Variants in NMT1 observed in about 807,000 individuals in gnomAD.
NMT1 encodes N-myristoyltransferase 1.
A neutral mutation model predicts 63.4 loss-of-function variants in NMT1; 12 were observed. The observed-to-expected ratio is 0.19, with a 90% CI of 0.12 to 0.31. The LOEUF (loss-of-function observed/expected upper bound fraction) is 0.31, where lower values mean the gene tolerates loss of function less well. Ranked by LOEUF, NMT1 falls within the 10% of genes least tolerant of loss-of-function variation. The pLI, the probability that NMT1 is intolerant of heterozygous loss-of-function variation, is 1.00. For missense variants in NMT1, 432 were observed against 634.6 expected (o/e 0.68, Z 3.43); for synonymous variants, 228 against 234.3 (o/e 0.97, Z 0.25).
At chr17:45,093,641 C>G in intron 3 of NMT1, 44 bp from the exon 4 acceptor site, 2 of 1,568,968 alleles carry the variant, frequency 1.3e-6, no homozygotes, top group Non-Finnish European at 1.8e-6. Context: ...TTTACTGCCC[C>G]GAGGGGGCAA....
At chr17:45,096,509 G>C (rs747268030) in intron 5 of NMT1, among the ~76,000 whole-genome samples, 1 of 152,240 alleles carries the variant, frequency 6.6e-6, no homozygotes, top group Non-Finnish European at 1.5e-5. Flanking sequence ...CGTAGAGCTA[G>C]TACCCAGGGA....
intron 1 of NMT1, among the ~76,000 whole-genome samples, chr17:45,066,132 C>T (rs2053901278): frequency 6.6e-6 from 1 of 152,110 alleles, no homozygotes; most frequent in Non-Finnish European, 1.5e-5. Context: ...TGGCTCACTG[C>T]AACCTCTGCC....
intron 1 of NMT1, among the ~76,000 whole-genome samples, chr17:45,075,779 A>C (rs188580094): frequency 6.6e-6 from 1 of 152,146 alleles, no homozygotes; most frequent in East Asian, 1.9e-4. Flanking sequence ...AAAACAAAAC[A>C]AAAAAAGAGG....
rs569270064 is a variant in NMT1 at position 45,105,447 on chromosome 17, G to T, written c.1471-172G>T. On this transcript the variant is annotated intron_variant, in intron 11 of 11. Transcript: ENST00000258960. This position sits in a 1 kb window ranked among gnomAD's most constrained non-coding sequence, Gnocchi z 4.2. ...GTTTTCCCTGGGAGGTCTGATGGACGTGTGAACCCTGGTGTGGAGGTTGAG... is the reference window on the plus strand; with the variant it reads ...GTTTTCCCTGGGAGGTCTGATGGACTTGTGAACCCTGGTGTGGAGGTTGAG... Among the ~76,000 whole-genome samples, 1 of 152,152 alleles carries T rather than the reference G, an allele frequency of 6.6e-6. No homozygotes were observed. Among genetic ancestry groups the T allele is most frequent in the Non-Finnish European group, 1.5e-5 (1 of 68,040 alleles).
Position 45,104,084 on chromosome 17 carries a change from T to G in NMT1, c.1332+208T>G. The G allele has an allele frequency of 6.8e-7, 1 of 1,475,170 alleles. No homozygotes were observed. Among genetic ancestry groups the G allele is most frequent in the Non-Finnish European group, 9.0e-7 (1 of 1,114,004 alleles). 91.4% of individuals were successfully genotyped at this position (1,475,170 alleles called of 1,614,324 possible). On this transcript the variant is annotated intron_variant, in intron 10 of 11. Transcript: ENST00000258960. The surrounding 1 kb of genome is among the most constrained non-coding windows in gnomAD (Gnocchi z 4.2). ...AGCATCCGAAGTGAAGGCATTGAAC[T>G]CCTCCTGATTCATTTCAGTGAGTTT...
At chr17:45,066,314 G>A (rs935562898) in intron 1 of NMT1, among the ~76,000 whole-genome samples, 7 of 151,784 alleles carry the variant, frequency 4.6e-5, no homozygotes, top group East Asian at 1.9e-4. Flanking sequence ...CTTGGCCTCC[G>A]AAAGTGCTAG....
Position 45,088,583 on chromosome 17 carries a change from C to T in NMT1, c.385+1931C>T, listed in dbSNP as rs1202119379. Among the ~76,000 whole-genome samples, 9 of 152,048 alleles carry T rather than the reference C, an allele frequency of 5.9e-5. No homozygotes were observed. The East Asian group carries it at 1.2e-3, about 20-fold the overall frequency. ...CAGCCTGGCCAACATGGTAAAACCT[C>T]GTCTCTACTAAAAATACAAAAACTA... On this transcript the variant is annotated intron_variant, in intron 3 of 11. Coordinates refer to ENST00000258960, the MANE Select transcript of NMT1 (RefSeq NM_021079.5).
At chr17:45,092,813 C>T (rs2054098446) in intron 3 of NMT1, among the ~76,000 whole-genome samples, 1 of 152,036 alleles carries the variant, frequency 6.6e-6, no homozygotes, top group South Asian at 2.1e-4. Flanking sequence ...GAGCCCTTTG[C>T]TAGGAACACT....
At position 45,105,473 on chromosome 17, in the gene NMT1, T is replaced by G; in HGVS notation, c.1471-146T>G. 1 of 826,016 alleles carries G rather than the reference T, an allele frequency of 1.2e-6. No homozygotes were observed. Among genetic ancestry groups the G allele is most frequent in the Non-Finnish European group, 2.0e-6 (1 of 493,740 alleles). The allele number at this position is 826,016 out of a possible 1,614,324, so 51.2% of individuals were successfully genotyped here. ...TGTGAACCCTGGTGTGGAGGTTGAGTGTGGGGCCGGCTGGGTGTGAGTCTG... is the reference window on the plus strand; with the variant it reads ...TGTGAACCCTGGTGTGGAGGTTGAGGGTGGGGCCGGCTGGGTGTGAGTCTG... On this transcript the variant is annotated intron_variant, in intron 11 of 11. Coordinates refer to ENST00000258960, the MANE Select transcript of NMT1 (RefSeq NM_021079.5). This position sits in a 1 kb window ranked among gnomAD's most constrained non-coding sequence, Gnocchi z 4.2.
At chr17:45,094,760 C>T (rs980149750) in intron 4 of NMT1, among the ~76,000 whole-genome samples, 6 of 150,336 alleles carry the variant, frequency 4.0e-5, no homozygotes, top group Admixed American at 2.0e-4. Flanking sequence ...GGTGATCTGC[C>T]CATCTTGGCC....
Position 45,102,946 on chromosome 17 carries a change from T to G in NMT1, c.994-5T>G. The G allele has an allele frequency of 6.2e-7, 1 of 1,606,338 alleles. No homozygotes were observed. Among genetic ancestry groups the G allele is most frequent in the Non-Finnish European group, 8.5e-7 (1 of 1,173,862 alleles). ...CTCACTCCATCTCTTCTGTCTTGCC[T>G]CCAGACTCCCAAGACAGCTGGGCTG... On this transcript the variant is annotated splice_region_variant and splice_polypyrimidine_tract_variant and intron_variant, in intron 8 of 11. Transcript: ENST00000258960.
chr17:45,066,016 G>A (rs916553569), intron 1 of NMT1, among the ~76,000 whole-genome samples: 4 of 151,604 alleles, frequency 2.6e-5, no homozygotes, highest in African/African-American at 9.7e-5. Context: ...CCAGCCTCCT[G>A]CCCCTTTTTT....
At position 45,104,620 on chromosome 17, in the gene NMT1, C is replaced by G; in HGVS notation, c.1333-239C>G. ...AATAGCAAGAGCCCCGGCCTGGACA[C>G]TGAGTACATATGTGTACACTCTGAG... On this transcript the variant is annotated intron_variant, in intron 10 of 11. Transcript: ENST00000258960. This position sits in a 1 kb window ranked among gnomAD's most constrained non-coding sequence, Gnocchi z 4.2. 3 of 1,317,854 alleles carry G rather than the reference C, an allele frequency of 2.3e-6. No individual in the cohort carries two copies. The highest frequency in any genetic ancestry group is 2.9e-6 in the Non-Finnish European group (3 of 1,032,218). The allele number at this position is 1,317,854 out of a possible 1,614,324, so 81.6% of individuals were successfully genotyped here. A position where few individuals can be genotyped will look rare whatever the true frequency, so the allele number is the denominator to read the frequency against.
intron 1 of NMT1, among the ~76,000 whole-genome samples, chr17:45,067,096 G>T (rs1322658100): frequency 6.6e-6 from 1 of 151,920 alleles, no homozygotes; most frequent in Non-Finnish European, 1.5e-5. Flanking sequence ...CAATTGAGAG[G>T]AGAGTCAGAT....
At chr17:45,090,144 C>T (rs2054078652) in intron 3 of NMT1, among the ~76,000 whole-genome samples, 1 of 151,462 alleles carries the variant, frequency 6.6e-6, no homozygotes, top group African/African-American at 2.4e-5. Flanking sequence ...ATTAGCCAGA[C>T]ATGGTAGCAC....
chr17:45,076,783 C>G (rs2053980547), intron 1 of NMT1, among the ~76,000 whole-genome samples: 1 of 151,868 alleles, frequency 6.6e-6, no homozygotes, highest in African/African-American at 2.4e-5. Flanking sequence ...AAACAACTTC[C>G]CTGTGTTCTT....
chr17:45,102,503 C>T (rs932330749), intron 8 of NMT1, among the ~76,000 whole-genome samples: 16 of 152,134 alleles, frequency 1.1e-4, no homozygotes, highest in South Asian at 2.1e-4. Context: ...GGTCTGTCCG[C>T]GAAGTGCTCT....
At chr17:45,072,254 CAAAA>C (rs969648377) in intron 1 of NMT1, among the ~76,000 whole-genome samples, 1 of 119,954 alleles carries the variant, frequency 8.3e-6, no homozygotes, top group Admixed American at 8.5e-5. Context: ...ACTGTCTTTA[CAAAA>C]AAAAAAAAAC....
In NMT1 at chr17:45,091,187, GACACACACAC is replaced by G. The variant is rs3062356; in HGVS notation, c.386-2457_386-2448del. Among the ~76,000 whole-genome samples the G allele has an allele frequency of 4.3e-3, 517 of 121,056 alleles. 6 individuals carry two copies. Among genetic ancestry groups the G allele is most frequent in the African/African-American group, 0.01 (344 of 32,824 alleles). The allele number at this position is 121,056 out of a possible 152,430, so 79.4% of individuals were successfully genotyped here. On this transcript the variant is annotated intron_variant, in intron 3 of 11. Transcript: ENST00000258960. The stretch of plus-strand genomic sequence containing the variant: ...ATATTTCCTCTGAGAGGTCTTTCCT[GACACACACAC>G]ACACACACACACACACACACACACA...
Sources: gnomAD v4.1 joint callset for allele counts (sites outside exome capture counted in the v4.1 genomes callset) on GRCh38, gnomAD v4.1.1 for gene constraint, Gnocchi (gnomAD v3.1) non-coding constraint, MANE v1.5 for transcripts, NCBI Gene and HGNC (gene_info 2026-07-23, HGNC 2026-07-21) for gene names.